The following LIPC variants were observed in gnomAD, a reference collection of about 807,000 sequenced individuals.
LIPC encodes hepatic triacylglycerol lipase.
In LIPC, 44 loss-of-function variants were observed where a neutral mutation model predicts 50.7. The observed-to-expected ratio is 0.87, with a 90% CI of 0.68 to 1.11. LIPC has a LOEUF of 1.11. Ranked by LOEUF, LIPC falls within the 50% of genes most tolerant of loss-of-function variation. The pLI is 0.00. For synonymous variants in LIPC, 271 were observed against 256.4 expected (o/e 1.06, Z -0.54); for missense variants, 697 against 648.2 (o/e 1.08, Z -0.82).
intron 1 of LIPC, among the ~76,000 whole-genome samples, chr15:58,449,776 G>C (rs1293622875): frequency 6.6e-6 from 1 of 152,184 alleles, no homozygotes; most frequent in Non-Finnish European, 1.5e-5. Context: ...CTGACTTCAA[G>C]AGATCCCCCC....
At chr15:58,489,965 C>T in intron 1 of LIPC, among the ~76,000 whole-genome samples, 1 of 151,916 alleles carries the variant, frequency 6.6e-6, no homozygotes, top group East Asian at 1.9e-4. Context: ...CATCATTTCA[C>T]AAAGGCAGTT....
At chr15:58,474,503 C>G (rs1890916911) in intron 1 of LIPC, among the ~76,000 whole-genome samples, 1 of 126,242 alleles carries the variant, frequency 7.9e-6, no homozygotes, top group Non-Finnish European at 1.7e-5. Context: ...AGAGCTAGAC[C>G]CTGTCTCAGG....
rs561460705 is a variant in LIPC, at chr15:58,568,953, G to A, written c.*126G>A. On this transcript the variant is annotated 3_prime_UTR_variant, in exon 9 of 9. Transcript: ENST00000299022. ...AAGCTTAAATAAAGTTTAGATTTAA[G>A]GGGGGTATGTTTCACTCTCATAAAC... 1 of 608,768 alleles carries A rather than the reference G, an allele frequency of 1.6e-6. No homozygotes were observed. Among genetic ancestry groups the A allele is most frequent in the South Asian group, 2.2e-5 (1 of 45,458 alleles). The allele number at this position is 608,768 out of a possible 1,614,324, so 37.7% of individuals were successfully genotyped here.
In LIPC at chr15:58,527,045, G is replaced by A. The variant is rs193005095; in HGVS notation, c.89-11288G>A. Among the ~76,000 whole-genome samples, 545 of 152,344 alleles carry A rather than the reference G, an allele frequency of 3.6e-3. 2 individuals are homozygous for A. Among genetic ancestry groups the A allele is most frequent in the Middle Eastern group, 6.8e-3 (2 of 294 alleles). ...GGAAACTGTCGGGTACCTGCCCGTG[G>A]TCTGAAGTGGGCAGGCAGCAGTCAG... On this transcript the variant is annotated intron_variant, in intron 1 of 8. Transcript: ENST00000299022.
At chr15:58,556,462 C>T (rs890708868) in intron 6 of LIPC, among the ~76,000 whole-genome samples, 2 of 152,102 alleles carry the variant, frequency 1.3e-5, no homozygotes, top group East Asian at 1.9e-4. Context: ...TTAGAATACA[C>T]GTTTACTGCA....
chr15:58,445,643 G>A (rs1893669377), intron 1 of LIPC, among the ~76,000 whole-genome samples: 1 of 152,212 alleles, frequency 6.6e-6, no homozygotes, highest in South Asian at 2.1e-4. Context: ...GACTCTGGGT[G>A]AGAAAAGAGA....
intron 2 of LIPC, 62 bp downstream of exon 2, chr15:58,538,579 C>A (rs1028117899): frequency 3.3e-6 from 5 of 1,503,320 alleles, no homozygotes; most frequent in East Asian, 2.3e-5. Flanking sequence ...TTCTTTCTAG[C>A]GTGTTCATGT....
chr15:58,495,761 A>G (rs1184449066), intron 1 of LIPC, among the ~76,000 whole-genome samples: 1 of 152,202 alleles, frequency 6.6e-6, no homozygotes, highest in African/African-American at 2.4e-5. Flanking sequence ...TGAAGAATGT[A>G]AATTTCTTAA....
intron 1 of LIPC, among the ~76,000 whole-genome samples, chr15:58,492,884 G>T (rs1187258414): frequency 1.3e-5 from 2 of 152,154 alleles, no homozygotes; most frequent in Non-Finnish European, 2.9e-5. Context: ...GAACAGGAGA[G>T]GGGGCCCTGG....
chr15:58,520,114 T>TG (rs757699236), intron 1 of LIPC, among the ~76,000 whole-genome samples: 1 of 139,872 alleles, frequency 7.1e-6, no homozygotes, highest in Non-Finnish European at 1.6e-5. Flanking sequence ...TTTGGGCTGT[T>TG]TTTTTTTTGT....
chr15:58,469,190 A>G (rs1894693423), intron 1 of LIPC, among the ~76,000 whole-genome samples: 2 of 149,740 alleles, frequency 1.3e-5, no homozygotes, highest in South Asian at 4.2e-4. Flanking sequence ...GCTGGAGTGC[A>G]GTGGCATGAT....
chr15:58,528,299 C>G (rs1486712246), intron 1 of LIPC, among the ~76,000 whole-genome samples: 1 of 152,190 alleles, frequency 6.6e-6, no homozygotes, highest in African/African-American at 2.4e-5. Context: ...TCTGCTCTCA[C>G]TCTCACTTTT....
At chr15:58,533,063 G>A in intron 1 of LIPC, 5 of 670,462 alleles carry the variant, frequency 7.5e-6, no homozygotes, top group Non-Finnish European at 9.2e-6. Flanking sequence ...TGAATCCCTT[G>A]ATGGATTTGA....
intron 1 of LIPC, among the ~76,000 whole-genome samples, chr15:58,462,200 G>A (rs897438372): frequency 6.6e-6 from 1 of 152,124 alleles, no homozygotes; most frequent in Admixed American, 6.5e-5. Context: ...CTATAGGATC[G>A]TGAGTGCTTT....
chr15:58,556,968 C>G (rs1360897326), intron 6 of LIPC, among the ~76,000 whole-genome samples: 5 of 152,202 alleles, frequency 3.3e-5, no homozygotes, highest in African/African-American at 1.2e-4. Context: ...TAGTAGTTAT[C>G]ATAATTGCTG....
At chr15:58,511,141 T>A (rs1892318109) in intron 1 of LIPC, among the ~76,000 whole-genome samples, 1 of 152,252 alleles carries the variant, frequency 6.6e-6, no homozygotes, top group Non-Finnish European at 1.5e-5. Flanking sequence ...CCTATGTTTT[T>A]CTTCTCGGCT....
intron 6 of LIPC, among the ~76,000 whole-genome samples, chr15:58,549,261 A>G (rs1893660359): frequency 6.6e-6 from 1 of 152,176 alleles, no homozygotes; most frequent in Non-Finnish European, 1.5e-5. Flanking sequence ...TGCCATTAAC[A>G]TTTCTGCCTA....
intron 1 of LIPC, among the ~76,000 whole-genome samples, chr15:58,442,640 T>A (rs1325264423): frequency 6.6e-6 from 1 of 152,238 alleles, no homozygotes; most frequent in Non-Finnish European, 1.5e-5. Context: ...TGTCAATGAA[T>A]CCAGAAAAAC....
intron 8 of LIPC, 24 bp from the exon 9 acceptor site, chr15:58,568,692 G>A (rs939796468): frequency 2.2e-6 from 3 of 1,363,824 alleles, no homozygotes; most frequent in East Asian, 2.3e-5. Context: ...TTAATGCTGT[G>A]TTTGCTTCCT....
Sources: gnomAD v4.1 joint callset for allele counts (sites outside exome capture counted in the v4.1 genomes callset) on GRCh38, gnomAD v4.1.1 for gene constraint, MANE v1.5 for transcripts, NCBI Gene and HGNC (gene_info 2026-07-23, HGNC 2026-07-21) for gene names.